The following CEP85L variants were observed in gnomAD, a reference collection of about 807,000 sequenced individuals.
CEP85L encodes centrosomal protein 85L, also known as centrosomal protein of 85 kDa-like.
A neutral mutation model predicts 100.3 loss-of-function variants in CEP85L; 60 were observed. That is an observed-to-expected ratio of 0.60 (90% confidence interval 0.49 to 0.74). The LOEUF is 0.74. CEP85L is among the 30% of genes least tolerant of loss of function. The pLI is 0.00. For synonymous variants in CEP85L, 319 were observed against 322.7 expected (o/e 0.99, Z 0.12); for missense variants, 973 against 936.2 (o/e 1.04, Z -0.51).
At chr6:118,593,533 G>C in intron 2 of CEP85L, among the ~76,000 whole-genome samples, 2 of 152,022 alleles carry the variant, frequency 1.3e-5, no homozygotes, top group South Asian at 4.2e-4. Flanking sequence ...AGTCTATCAC[G>C]AGAACCGCAC....
intron 10 of CEP85L, among the ~76,000 whole-genome samples, chr6:118,475,868 G>T (rs1282360826): frequency 6.6e-6 from 1 of 152,078 alleles, no homozygotes; most frequent in African/African-American, 2.4e-5. Context: ...GCTGAGGATT[G>T]TAATGCTTCC....
intron 1 of CEP85L, among the ~76,000 whole-genome samples, chr6:118,689,916 CTTTT>C (rs34964907): frequency 7.3e-6 from 1 of 136,202 alleles, no homozygotes; most frequent in African/African-American, 2.7e-5. Context: ...TCCCTGCCTG[CTTTT>C]TTTTTTTTTT....
intron 2 of CEP85L, among the ~76,000 whole-genome samples, chr6:118,607,575 G>A (rs562097223): frequency 2.0e-5 from 3 of 152,274 alleles, no homozygotes; most frequent in African/African-American, 4.8e-5. Flanking sequence ...CAATAGTGAC[G>A]AGAGGGGACT....
At chr6:118,674,669 C>T (rs530532430) in intron 1 of CEP85L, among the ~76,000 whole-genome samples, 1 of 152,190 alleles carries the variant, frequency 6.6e-6, no homozygotes, top group East Asian at 1.9e-4. Flanking sequence ...AGACATTGCT[C>T]CAAAGAAGAT....
At chr6:118,649,345 A>C (rs1775398466) in intron 1 of CEP85L, among the ~76,000 whole-genome samples, 1 of 152,220 alleles carries the variant, frequency 6.6e-6, no homozygotes, top group African/African-American at 2.4e-5. Flanking sequence ...TTAGGGTAGT[A>C]ATTACAAAGT....
intron 2 of CEP85L, among the ~76,000 whole-genome samples, chr6:118,619,243 A>C (rs1200378271): frequency 6.6e-6 from 1 of 152,174 alleles, no homozygotes; most frequent in Non-Finnish European, 1.5e-5. Flanking sequence ...TGAGACCTTA[A>C]AAAAGAAGCG....
At chr6:118,666,352 G>T (rs1776133455) in intron 1 of CEP85L, among the ~76,000 whole-genome samples, 1 of 152,204 alleles carries the variant, frequency 6.6e-6, no homozygotes, top group East Asian at 1.9e-4. Context: ...TACACAAGAT[G>T]AAAAAACAAG....
chr6:118,561,630 C>T (rs1361515947), intron 3 of CEP85L, among the ~76,000 whole-genome samples: 4 of 151,910 alleles, frequency 2.6e-5, no homozygotes, highest in Non-Finnish European at 4.4e-5. Flanking sequence ...CTTAATGTTG[C>T]CTTTTATATT....
chr6:118,677,162 G>A (rs1434044140), intron 1 of CEP85L, among the ~76,000 whole-genome samples: 2 of 151,962 alleles, frequency 1.3e-5, no homozygotes, highest in African/African-American at 2.4e-5. Flanking sequence ...TGGGACTCAA[G>A]TTCCTCATCT....
chr6:118,655,274 G>T (rs892743958), upstream of CEP85L, among the ~76,000 whole-genome samples: 8 of 152,192 alleles, frequency 5.3e-5, no homozygotes, highest in African/African-American at 1.9e-4. Context: ...GAGTTGGGTT[G>T]CAATAACCAA....
intron 2 of CEP85L, among the ~76,000 whole-genome samples, chr6:118,629,616 T>C (rs1184253510): frequency 1.3e-5 from 2 of 152,150 alleles, no homozygotes; most frequent in Non-Finnish European, 2.9e-5. Context: ...AGTTTGGTGG[T>C]TTTTTTACAA....
intron 3 of CEP85L, among the ~76,000 whole-genome samples, chr6:118,538,452 G>A (rs1777726338): frequency 6.6e-6 from 1 of 151,794 alleles, no homozygotes; most frequent in Non-Finnish European, 1.5e-5. Context: ...AAGATAAAGG[G>A]AACTCAAAGT....
rs1389238542 is a variant in CEP85L at position 118,460,981 on chromosome 6, T to C, written c.*4424A>G. The C allele has an allele frequency of 6.6e-6, 1 of 151,044 alleles. No individual in the cohort carries two copies. The highest frequency in any genetic ancestry group is 1.5e-5 in the Non-Finnish European group (1 of 67,762). The allele number at this position is 151,044 out of a possible 1,614,324, so 9.4% of individuals were successfully genotyped here. On this transcript the variant is annotated 3_prime_UTR_variant, in exon 13 of 13. Transcript: ENST00000368491. ...TTTACAAAAAAAGAGGCAAGAATGA[T>C]AGATCAGAAGGCATAAGCCAACCAG... is the stretch of plus-strand genomic sequence containing the variant.
intron 1 of CEP85L, among the ~76,000 whole-genome samples, chr6:118,638,887 G>C (rs1774687992): frequency 6.6e-6 from 1 of 152,088 alleles, no homozygotes; most frequent in Non-Finnish European, 1.5e-5. Flanking sequence ...AATGCATACA[G>C]TATCAAGTAT....
intron 5 of CEP85L, among the ~76,000 whole-genome samples, chr6:118,510,008 G>A (rs890166925): frequency 4.6e-5 from 7 of 151,948 alleles, no homozygotes; most frequent in Admixed American, 3.9e-4. Context: ...TTCATATGGC[G>A]TAGACACTGT....
intron 5 of CEP85L, among the ~76,000 whole-genome samples, chr6:118,508,300 T>C (rs1251637071): frequency 6.6e-6 from 1 of 152,122 alleles, no homozygotes; most frequent in Non-Finnish European, 1.5e-5. Flanking sequence ...AAAGAAATGA[T>C]GCAACAATGA....
intron 2 of CEP85L, among the ~76,000 whole-genome samples, chr6:118,569,122 C>T (rs1779719682): frequency 6.6e-6 from 1 of 151,830 alleles, no homozygotes; most frequent in Non-Finnish European, 1.5e-5. Flanking sequence ...AGGCGGATTA[C>T]TTGAGGTCAG....
intron 4 of CEP85L, among the ~76,000 whole-genome samples, chr6:118,522,309 G>A (rs765948006): frequency 1.1e-4 from 17 of 152,124 alleles, no homozygotes; most frequent in Admixed American, 5.2e-4. Flanking sequence ...GTGGTGAGCC[G>A]AGATCATGCC....
In CEP85L at chr6:118,464,240, G is replaced by A. The variant is rs1474463449; in HGVS notation, c.*1165C>T. 23 of 152,174 alleles carry A rather than the reference G, an allele frequency of 1.5e-4. No homozygotes were observed. The allele number at this position is 152,174 out of a possible 1,614,324, so 9.4% of individuals were successfully genotyped here. A position where few individuals can be genotyped will look rare whatever the true frequency, so the allele number is the denominator to read the frequency against. On this transcript the variant is annotated 3_prime_UTR_variant, in exon 13 of 13. Transcript: ENST00000368491. ...CACTCATTTGGAAGTTTAAATGACTGTACGTCTACTGCAAAATCAACTGCA... is the reference window on the plus strand; with the variant it reads ...CACTCATTTGGAAGTTTAAATGACTATACGTCTACTGCAAAATCAACTGCA...
Sources: allele counts gnomAD v4.1 joint callset (sites outside exome capture counted in the v4.1 genomes callset), GRCh38; gene constraint gnomAD v4.1.1; transcripts MANE v1.5; gene names NCBI Gene and HGNC (gene_info 2026-07-23, HGNC 2026-07-21).